Variants in LRRC43 observed in about 807,000 individuals in gnomAD.
LRRC43 encodes leucine-rich repeat-containing protein 43.
Under a neutral mutation model 64.3 loss-of-function variants are expected in LRRC43, and 62 were observed. The observed-to-expected ratio is 0.96, with a 90% confidence interval of 0.79 to 1.19. LRRC43 has a LOEUF of 1.19. Among genes scored for constraint, LRRC43 ranks in the 50% most tolerant of loss-of-function variants. The pLI is 0.00. For synonymous variants in LRRC43, 422 were observed against 382.3 expected (o/e 1.10, Z -1.21); for missense variants, 868 against 845.0 (o/e 1.03, Z -0.34).
intron 11 of LRRC43, among the ~76,000 whole-genome samples, chr12:122,201,767 G>A (rs1832649347): frequency 6.6e-6 from 1 of 152,220 alleles, no homozygotes; most frequent in African/African-American, 2.4e-5. Context: ...AGGAGACAGG[G>A]AGTGCCGTGG....
intron 7 of LRRC43, among the ~76,000 whole-genome samples, chr12:122,197,025 G>T (rs1489232854): frequency 6.6e-6 from 1 of 152,152 alleles, no homozygotes; most frequent in African/African-American, 2.4e-5. Flanking sequence ...CTGGTAGGCA[G>T]GAACACTGGG....
rs1435395482 is a variant in LRRC43, at chr12:122,187,851, A to G, written c.662+11A>G. ...CACCGCTAATCACTGGTAACTCGGG[A>G]GCCCAGATGGAAAGTGAGAGGGAGG... On this transcript the variant is annotated intron_variant, in intron 4 of 11. Coordinates refer to ENST00000339777, the MANE Select transcript of LRRC43 (RefSeq NM_001098519.2). 6.2e-7 allele frequency: 1 copy of G among 1,613,580 alleles called. No homozygotes were observed.
Position 122,184,835 on chromosome 12 carries a change from T to C in LRRC43, c.411+56T>C. On this transcript the variant is annotated intron_variant, in intron 2 of 11. Transcript: ENST00000339777. This position sits in a 1 kb window ranked among gnomAD's most constrained non-coding sequence, Gnocchi z 4.0. The stretch of plus-strand genomic sequence containing the variant: ...AGGGTGGCCGCTCCCCTAAGGGAGG[T>C]TGTGGGGAGGGCACCCTTCCCCACA... 1 of 1,543,220 alleles carries C rather than the reference T, an allele frequency of 6.5e-7. No individual in the cohort carries two copies. Among genetic ancestry groups the C allele is most frequent in the South Asian group, 1.2e-5 (1 of 83,912 alleles).
chr12:122,169,609 T>G (rs1209274467), intron 1 of LRRC43, among the ~76,000 whole-genome samples: 47 of 148,568 alleles, frequency 3.2e-4, no homozygotes, highest in South Asian at 2.1e-4. Flanking sequence ...CCAGCTATTC[T>G]GGAGGCTGAG....
chr12:122,179,442 G>A (rs1730873574), upstream of LRRC43, among the ~76,000 whole-genome samples: 1 of 152,150 alleles, frequency 6.6e-6, no homozygotes, highest in Non-Finnish European at 1.5e-5. Flanking sequence ...GAAGTGTTAT[G>A]GATGCTCAGC....
In LRRC43 at chr12:122,200,249, G is replaced by A. The variant is rs1953819695; in HGVS notation, c.1410G>A (p.Glu470=). 6.2e-7 allele frequency: 1 copy of A among 1,614,048 alleles called. No homozygotes were observed. Among genetic ancestry groups the A allele is most frequent in the Non-Finnish European group, 8.5e-7 (1 of 1,180,026 alleles). ...CTGAGGTCATCCCCTGCAGTTACGA[G>A]ATGCAGCACTCTCTCAGGGACCTGG... ...PWAEVIPCSY[E]MQHSLRDLVP... is the part of the protein sequence containing the mutation. Residue 470 remains glutamate (E), a synonymous_variant, in exon 8 of 12, where the codon GAG becomes GAA. Transcript: ENST00000339777. The surrounding 1 kb of genome is among the most constrained non-coding windows in gnomAD (Gnocchi z 4.6).
chr12:122,174,159 G>C, intron 1 of LRRC43: 2 of 1,614,170 alleles, frequency 1.2e-6, no homozygotes, highest in East Asian at 2.2e-5. Flanking sequence ...AGTGATACCT[G>C]AGTGAGAGGC....
intron 1 of LRRC43, chr12:122,172,180 A>G (rs1953491080): frequency 2.1e-6 from 1 of 467,072 alleles, no homozygotes; most frequent in South Asian, 2.6e-5. Context: ...TTAAGCCTGC[A>G]GAAGAAAAGC....
intron 2 of LRRC43, among the ~76,000 whole-genome samples, 164 bp from the exon 3 acceptor site, chr12:122,186,026 T>C (rs1224344897): frequency 6.8e-6 from 1 of 146,326 alleles, no homozygotes; most frequent in African/African-American, 2.5e-5. Context: ...TCTTGGATCC[T>C]GGCAGAGCGA....
At chr12:122,202,210 T>C (rs1953849133) in intron 11 of LRRC43, 1 of 152,174 alleles carries the variant, frequency 6.6e-6, no homozygotes. Context: ...AAAAGGTTTT[T>C]TTTTTTTTAA....
chr12:122,175,506 CTTT>C (rs201236097), intron 1 of LRRC43, among the ~76,000 whole-genome samples: 13 of 140,196 alleles, frequency 9.3e-5, no homozygotes, highest in South Asian at 2.3e-4. Flanking sequence ...CTTTTTCTTT[CTTT>C]TTTTTTTTTT....
At chr12:122,181,414 G>A (rs1471384637), upstream of LRRC43, among the ~76,000 whole-genome samples, 1 of 147,360 alleles carries the variant, frequency 6.8e-6, no homozygotes, top group Non-Finnish European at 1.5e-5. Flanking sequence ...TTGGTGGCGG[G>A]CGCCTGTAGT....
intron 7 of LRRC43, among the ~76,000 whole-genome samples, chr12:122,194,279 C>T (rs1206735364): frequency 6.6e-6 from 1 of 151,100 alleles, no homozygotes; most frequent in Admixed American, 6.6e-5. Flanking sequence ...TTCATGTCTT[C>T]CTTTAGAATT....
chr12:122,178,999 T>C (rs990921842), upstream of LRRC43, among the ~76,000 whole-genome samples: 1 of 152,144 alleles, frequency 6.6e-6, no homozygotes, highest in Admixed American at 6.6e-5. Flanking sequence ...ATAAATGATA[T>C]TGGTACAAAC....
intron 1 of LRRC43, chr12:122,173,737 G>T: frequency 3.1e-6 from 3 of 953,608 alleles, no homozygotes; most frequent in Non-Finnish European, 3.2e-6. Context: ...TCCCTTCCTG[G>T]CATAGCTACA....
rs1160147143 is a variant in LRRC43 at position 122,190,440 on chromosome 12, C to T, written c.901+72C>T. The T allele has an allele frequency of 1.4e-5, 17 of 1,252,820 alleles. No individual in the cohort carries two copies. In the South Asian group the frequency reaches 2.1e-4, roughly 15 times the overall value. The allele number at this position is 1,252,820 out of a possible 1,614,324, so 77.6% of individuals were successfully genotyped here. ...CCTGCGCCTGGCTGTGCCCCGCCCT[C>T]CTGGGTCCGTGTACCCGTCTGTCCT... On this transcript the variant is annotated intron_variant, in intron 5 of 11. Coordinates refer to ENST00000339777, the MANE Select transcript of LRRC43 (RefSeq NM_001098519.2).
chr12:122,198,937 T>C (rs548630470), intron 7 of LRRC43, among the ~76,000 whole-genome samples: 1 of 151,362 alleles, frequency 6.6e-6, no homozygotes, highest in African/African-American at 2.4e-5. Context: ...CCGGCCCATA[T>C]CACTATGTTT....
intron 1 of LRRC43, among the ~76,000 whole-genome samples, chr12:122,176,691 G>A (rs748196894): frequency 1.8e-4 from 27 of 150,710 alleles, no homozygotes; most frequent in Admixed American, 4.6e-4. Context: ...GTCTCACTTT[G>A]TCGCACAGGC....
At chr12:122,194,773 G>T (rs1317985611) in intron 7 of LRRC43, among the ~76,000 whole-genome samples, 1 of 151,788 alleles carries the variant, frequency 6.6e-6, no homozygotes, top group Non-Finnish European at 1.5e-5. Flanking sequence ...GCCTGGGCTT[G>T]GTGTCATTTT....
Sources: allele counts gnomAD v4.1 joint callset (sites outside exome capture counted in the v4.1 genomes callset), GRCh38; gene constraint gnomAD v4.1.1; non-coding constraint Gnocchi (gnomAD v3.1); transcripts MANE v1.5; gene names NCBI Gene and HGNC (gene_info 2026-07-23, HGNC 2026-07-21).